CLMP: variants seen among roughly 807,000 people sequenced by gnomAD.
The protein encoded by CLMP is CXADR like cell adhesion molecule.
Under a neutral mutation model 45.2 loss-of-function variants are expected in CLMP, and 27 were observed. The observed-to-expected ratio is 0.60, with a 90% confidence interval of 0.44 to 0.82. CLMP has a LOEUF of 0.82. Ranked by LOEUF, CLMP falls within the 40% of genes least tolerant of loss-of-function variation. The pLI is 0.00. For synonymous variants in CLMP, 167 were observed against 171.4 expected (o/e 0.97, Z 0.20); for missense variants, 403 against 448.4 (o/e 0.90, Z 0.91).
chr11:123,118,416 T>C (rs1220870083), intron 1 of CLMP, among the ~76,000 whole-genome samples: 2 of 152,224 alleles, frequency 1.3e-5, no homozygotes, highest in African/African-American at 4.8e-5. Flanking sequence ...ATTACAGGCA[T>C]AAGCCACCAA....
chr11:123,079,972 G>A (rs189780446), intron 5 of CLMP, among the ~76,000 whole-genome samples: 1 of 152,320 alleles, frequency 6.6e-6, no homozygotes, highest in African/African-American at 2.4e-5. Flanking sequence ...TAGTGTTACT[G>A]AACACCCACC....
chr11:123,073,289 T>TA lies in CLMP; in HGVS notation c.*184dup. 1 of 639,580 alleles carries TA rather than the reference T, an allele frequency of 1.6e-6. No homozygotes were observed. The highest frequency in any genetic ancestry group is 2.4e-5 in the South Asian group (1 of 42,082). The allele number at this position is 639,580 out of a possible 1,614,324, so 39.6% of individuals were successfully genotyped here. A position where few individuals can be genotyped will look rare whatever the true frequency, so the allele number is the denominator to read the frequency against. On this transcript the variant is annotated 3_prime_UTR_variant, in exon 7 of 7. Coordinates refer to ENST00000448775, the MANE Select transcript of CLMP (RefSeq NM_024769.5). ...ATGCCTTTTTACAGATGAATCAGCT[T>TA]ACATCCTTTTGCTTGTTTGGTATTG... is the stretch of plus-strand genomic sequence containing the variant.
At chr11:123,179,376 A>G (rs989685765) in intron 1 of CLMP, among the ~76,000 whole-genome samples, 5 of 152,210 alleles carry the variant, frequency 3.3e-5, no homozygotes, top group Admixed American at 2.0e-4. Flanking sequence ...AAAGTTTCCA[A>G]CAGGTCTAGC....
intron 1 of CLMP, among the ~76,000 whole-genome samples, chr11:123,181,240 C>T (rs111908002): frequency 6.6e-6 from 1 of 152,198 alleles, no homozygotes; most frequent in Non-Finnish European, 1.5e-5. Context: ...CTGAGAAGGT[C>T]TCCAAATTGG....
chr11:123,111,961 A>T (rs1860645215), intron 1 of CLMP, among the ~76,000 whole-genome samples: 1 of 152,168 alleles, frequency 6.6e-6, no homozygotes, highest in Non-Finnish European at 1.5e-5. Flanking sequence ...CATGTTGGCC[A>T]GGTTGGTCTT....
chr11:123,080,851 T>C (rs1302699005), intron 5 of CLMP, among the ~76,000 whole-genome samples: 3 of 152,040 alleles, frequency 2.0e-5, no homozygotes, highest in Non-Finnish European at 4.4e-5. Context: ...ATTTAACTTA[T>C]TAATAAGGGG....
At position 123,085,787 on chromosome 11, in the gene CLMP, T is replaced by G. The variant is rs566083298; in HGVS notation, c.187-1074A>C. Among the ~76,000 whole-genome samples the G allele has an allele frequency of 3.4e-4, 52 of 150,836 alleles. No homozygotes were observed. The East Asian group carries it at 5.1e-3, about 15-fold the overall frequency. On this transcript the variant is annotated intron_variant, in intron 2 of 6. Coordinates refer to ENST00000448775, the MANE Select transcript of CLMP (RefSeq NM_024769.5). ...TTTTTATGTTTTTTTTTTTTTGTTTTTTTTTTGAGATAGAGTCTCACTCTT... is the reference window on the plus strand; with the variant it reads ...TTTTTATGTTTTTTTTTTTTTGTTTGTTTTTTGAGATAGAGTCTCACTCTT...
intron 1 of CLMP, among the ~76,000 whole-genome samples, chr11:123,119,046 CCTCTCCCTCTCT>C: frequency 2.0e-4 from 1 of 4,978 alleles, no homozygotes; most frequent in Non-Finnish European, 3.9e-4. Context: ...TCTCTCTCTC[CCTCTCCCTCTCT>C]CTCTCTCTCT....
chr11:123,146,654 T>C (rs1004941441), intron 1 of CLMP, among the ~76,000 whole-genome samples: 3 of 152,140 alleles, frequency 2.0e-5, no homozygotes, highest in African/African-American at 7.2e-5. Context: ...TGGTTCTTTT[T>C]CCATGGGCGT....
intron 1 of CLMP, among the ~76,000 whole-genome samples, chr11:123,129,396 A>G (rs944089307): frequency 7.0e-6 from 1 of 142,330 alleles, no homozygotes; most frequent in Non-Finnish European, 1.5e-5. Flanking sequence ...GATATATTAT[A>G]TAAAATATAT....
intron 1 of CLMP, among the ~76,000 whole-genome samples, chr11:123,174,028 A>G (rs865916480): frequency 2.0e-5 from 3 of 152,132 alleles, no homozygotes; most frequent in African/African-American, 2.4e-5. Flanking sequence ...GGCAGCAGTG[A>G]GCTGTGATCT....
At position 123,137,950 on chromosome 11, in the gene CLMP, T is replaced by G. The variant is rs535666527; in HGVS notation, c.29-39998A>C. On this transcript the variant is annotated intron_variant, in intron 1 of 6. Transcript: ENST00000448775. Reference sequence around the variant, plus strand: ...ACCACCAGTATCCCAGCAGAAAGAGTAGTAATTTTATTTTTTTTTTAATTT... The same window carrying G: ...ACCACCAGTATCCCAGCAGAAAGAGGAGTAATTTTATTTTTTTTTTAATTT... Among the ~76,000 whole-genome samples the G allele has an allele frequency of 6.0e-4, 91 of 151,586 alleles. 1 individual carries two copies. Among genetic ancestry groups the G allele is most frequent in the African/African-American group, 2.1e-3 (85 of 41,282 alleles).
intron 1 of CLMP, among the ~76,000 whole-genome samples, chr11:123,111,832 G>A (rs1026741044): frequency 4.6e-5 from 7 of 152,148 alleles, no homozygotes; most frequent in East Asian, 1.9e-4. Flanking sequence ...AAATAGAAAC[G>A]TACACTACTT....
intron 6 of CLMP, 75 bp downstream of exon 6, chr11:123,074,627 A>G: frequency 7.0e-7 from 1 of 1,436,884 alleles, no homozygotes; most frequent in Non-Finnish European, 9.6e-7. Context: ...AACTGGGAAC[A>G]TTTATGTTGG....
At chr11:123,190,045 G>C (rs1030553733) in intron 1 of CLMP, among the ~76,000 whole-genome samples, 8 of 150,072 alleles carry the variant, frequency 5.3e-5, no homozygotes, top group African/African-American at 2.0e-4. Flanking sequence ...CTTACAAATA[G>C]TTTTATACCG....
intron 5 of CLMP, among the ~76,000 whole-genome samples, chr11:123,081,904 A>G (rs943057864): frequency 2.0e-5 from 3 of 151,952 alleles, no homozygotes; most frequent in Non-Finnish European, 4.4e-5. Flanking sequence ...TCTATGAGAC[A>G]GTTAACTATT....
chr11:123,075,078 C>T (rs184384068), intron 5 of CLMP, among the ~76,000 whole-genome samples: 24 of 151,998 alleles, frequency 1.6e-4, no homozygotes, highest in Non-Finnish European at 2.4e-4. Flanking sequence ...GCCTCAACCT[C>T]TTGAGTAGCT....
chr11:123,094,959 C>T (rs1450316976), intron 2 of CLMP, among the ~76,000 whole-genome samples: 1 of 152,072 alleles, frequency 6.6e-6, no homozygotes, highest in East Asian at 1.9e-4. Flanking sequence ...TATTAAATGT[C>T]TTCTCACTAT....
At chr11:123,180,152 T>G (rs1036112945) in intron 1 of CLMP, among the ~76,000 whole-genome samples, 1 of 152,208 alleles carries the variant, frequency 6.6e-6, no homozygotes, top group Admixed American at 6.5e-5. Context: ...TACATGAGCA[T>G]CTCTGTGTCA....
Sources: allele counts gnomAD v4.1 joint callset (sites outside exome capture counted in the v4.1 genomes callset), GRCh38; gene constraint gnomAD v4.1.1; transcripts MANE v1.5; gene names NCBI Gene and HGNC (gene_info 2026-07-23, HGNC 2026-07-21).